The following ZNF638 variants were observed in gnomAD, a reference collection of about 807,000 sequenced individuals.
ZNF638 encodes the protein CTCL tumor antigen se33-1.
ZNF638 carries 46 observed loss-of-function variants against 195.6 expected under a neutral mutation model. That is an observed-to-expected ratio of 0.24 (90% CI 0.19 to 0.30). ZNF638 has a LOEUF of 0.30. ZNF638 is among the 10% of genes least tolerant of loss of function. The pLI is 1.00. For synonymous variants in ZNF638, 845 were observed against 772.0 expected (o/e 1.09, Z -1.57); for missense variants, 2,440 against 2,325.3 (o/e 1.05, Z -1.01).
intron 20 of ZNF638, among the ~76,000 whole-genome samples, chr2:71,417,144 GA>G (rs1276460736): frequency 6.7e-6 from 1 of 150,284 alleles, no homozygotes; most frequent in Non-Finnish European, 1.5e-5. Flanking sequence ...GTGGGCATAG[GA>G]CCCTCTGAGC....
chr2:71,334,088 A>G (rs561571400), intron 1 of ZNF638, among the ~76,000 whole-genome samples: 1 of 152,284 alleles, frequency 6.6e-6, no homozygotes, highest in South Asian at 2.1e-4. Flanking sequence ...GAACTTATCA[A>G]TATATATTGT....
chr2:71,392,574 T>C (rs1055188533), intron 10 of ZNF638, among the ~76,000 whole-genome samples: 1 of 152,206 alleles, frequency 6.6e-6, no homozygotes, highest in South Asian at 2.1e-4. Flanking sequence ...TACACAGTTT[T>C]ATCACACATA....
intron 1 of ZNF638, among the ~76,000 whole-genome samples, chr2:71,342,810 T>G (rs1319704055): frequency 6.6e-6 from 1 of 152,206 alleles, no homozygotes; most frequent in Non-Finnish European, 1.5e-5. Flanking sequence ...ACTTTTTTTC[T>G]GTCTTCATAG....
At chr2:71,411,529 G>C (rs1381747895) in intron 20 of ZNF638, among the ~76,000 whole-genome samples, 158 of 120,758 alleles carry the variant, frequency 1.3e-3, no homozygotes, top group African/African-American at 4.0e-3. Context: ...CATTGTGCAG[G>C]TTAGTTACAT....
At chr2:71,372,587 T>G (rs2079333856) in intron 8 of ZNF638, among the ~76,000 whole-genome samples, 1 of 152,202 alleles carries the variant, frequency 6.6e-6, no homozygotes, top group African/African-American at 2.4e-5. Context: ...TGATACAAAG[T>G]CAAAACCAGG....
intron 2 of ZNF638, among the ~76,000 whole-genome samples, chr2:71,353,098 A>G (rs1261902240): frequency 6.6e-6 from 1 of 152,206 alleles, no homozygotes; most frequent in Non-Finnish European, 1.5e-5. Context: ...CTGTGTGTGT[A>G]TATATGACAT....
intron 3 of ZNF638, chr2:71,361,599 A>G (rs1382364343): frequency 6.6e-6 from 1 of 152,230 alleles, no homozygotes; most frequent in Non-Finnish European, 1.5e-5. Flanking sequence ...TGTTGACACT[A>G]GATGATGGGT....
At chr2:71,433,124 AATT>A (rs1488146275) in intron 26 of ZNF638, 38 bp from the exon 27 acceptor site, 1 of 1,330,236 alleles carries the variant, frequency 7.5e-7, no homozygotes, top group African/African-American at 1.4e-5. Context: ...ACTGGAGATT[AATT>A]ATTGTTAATT....
intron 8 of ZNF638, among the ~76,000 whole-genome samples, chr2:71,376,717 TAA>T (rs3836136): frequency 6.6e-6 from 1 of 152,002 alleles, no homozygotes; most frequent in Non-Finnish European, 1.5e-5. Flanking sequence ...ACAGAAAAGG[TAA>T]AAAAAATCCT....
Position 71,433,245 on chromosome 2 carries a change from A to G in ZNF638, c.5833A>G (p.Asn1945Asp). The G allele has an allele frequency of 6.2e-7, 1 of 1,614,072 alleles. No homozygotes were observed. The highest frequency in any genetic ancestry group is 2.2e-5 in the East Asian group (1 of 44,874). Reference protein sequence around the residue: ...LFYSGEKAMTNHCKSTRHKQN... With the variant: ...LFYSGEKAMTDHCKSTRHKQN... Reference sequence around the variant, plus strand: ...CTACTCAGGTGAAAAAGCAATGACAAATCACTGCAAGAGTACACGTCATAA... The same window carrying G: ...CTACTCAGGTGAAAAAGCAATGACAGATCACTGCAAGAGTACACGTCATAA... Residue 1945 changes from asparagine (N) to aspartate (D), a missense_variant, in exon 27 of 28, where the codon AAT (asparagine) becomes GAT (aspartate). This residue lies in a region of ZNF638 where 1,883 missense variants were observed against 1,739.1 expected (regional missense o/e 1.08). Coordinates refer to ENST00000264447, the MANE Select transcript of ZNF638 (RefSeq NM_014497.5).
chr2:71,353,775 A>G (rs956839445), intron 2 of ZNF638, among the ~76,000 whole-genome samples: 5 of 152,212 alleles, frequency 3.3e-5, no homozygotes, highest in Non-Finnish European at 7.3e-5. Flanking sequence ...GGATTATTAA[A>G]TGTTGGCAAC....
Position 71,377,451 on chromosome 2 carries a change from A to C in ZNF638, c.2266-2771A>C, listed in dbSNP as rs142223911. On this transcript the variant is annotated intron_variant, in intron 8 of 27. Coordinates refer to ENST00000264447, the MANE Select transcript of ZNF638 (RefSeq NM_014497.5). ...GTCAACTAGGAATTGCATGGATATGAAAAATAATGCTGGGCGTTAGTGAAT... is the reference window on the plus strand; with the variant it reads ...GTCAACTAGGAATTGCATGGATATGCAAAATAATGCTGGGCGTTAGTGAAT... 2.4e-3 allele frequency among the ~76,000 whole-genome samples: 363 copies of C among 152,384 alleles called. 1 individual carries two copies. The highest frequency in any genetic ancestry group is 8.4e-3 in the African/African-American group (351 of 41,594).
At chr2:71,359,701 A>G (rs1039323363) in intron 3 of ZNF638, among the ~76,000 whole-genome samples, 1 of 152,224 alleles carries the variant, frequency 6.6e-6, no homozygotes, top group African/African-American at 2.4e-5. Context: ...CTGCAAAATA[A>G]TTTAATAAAT....
At chr2:71,375,188 A>C (rs1346563905) in intron 8 of ZNF638, 1 of 152,228 alleles carries the variant, frequency 6.6e-6, no homozygotes, top group African/African-American at 2.4e-5. Context: ...TTTGGATAAT[A>C]AATTAAATCG....
At chr2:71,380,682 A>G in intron 10 of ZNF638, 117 bp downstream of exon 10, 1 of 692,394 alleles carries the variant, frequency 1.4e-6, no homozygotes, top group Non-Finnish European at 2.3e-6. Context: ...CCCAAATTAC[A>G]TTCTTTAATT....
At chr2:71,400,086 C>CTATTAAA in intron 13 of ZNF638, 26 bp from the exon 14 acceptor site, 1 of 1,563,600 alleles carries the variant, frequency 6.4e-7, no homozygotes, top group South Asian at 1.2e-5. Context: ...TTTTACTAGA[C>CTATTAAA]TATTAAAGCA....
chr2:71,369,799 A>G (rs2079276371), intron 7 of ZNF638, 84 bp from the exon 8 acceptor site: 1 of 1,371,026 alleles, frequency 7.3e-7, no homozygotes, highest in Non-Finnish European at 9.8e-7. Flanking sequence ...TTGATGTTAC[A>G]AAAGAAAGGA....
rs35526551 is a variant in ZNF638, at chr2:71,434,725, C to CA, written c.5872-14dup. 464,955 of 1,608,070 alleles carry CA rather than the reference C, an allele frequency of 0.29. 71,797 individuals carry two copies. Among genetic ancestry groups the CA allele is most frequent in the African/African-American group, 0.47 (34,786 of 74,594 alleles). ...AACGTCTAATAAGTATTTTATATTG[C>CA]AAATTGCTTTTAACAGAAATTCATG... On this transcript the variant is annotated splice_polypyrimidine_tract_variant and intron_variant, in intron 27 of 27. Transcript: ENST00000264447.
chr2:71,416,974 G>A (rs2080307903), intron 20 of ZNF638, among the ~76,000 whole-genome samples: 1 of 150,778 alleles, frequency 6.6e-6, no homozygotes, highest in South Asian at 2.1e-4. Context: ...ACAGAGGCAG[G>A]CAGGCCTCCT....
Sources: gnomAD v4.1 joint callset for allele counts (sites outside exome capture counted in the v4.1 genomes callset) on GRCh38, gnomAD v4.1.1 for gene constraint, gnomAD v4.1.1 regional missense constraint, MANE v1.5 for transcripts, NCBI Gene and HGNC (gene_info 2026-07-23, HGNC 2026-07-21) for gene names.